Variants in RPGRIP1L observed in about 807,000 individuals in gnomAD.
RPGRIP1L encodes the protein protein fantom.
RPGRIP1L carries 131 observed loss-of-function variants against 160.4 expected under a neutral mutation model. The observed-to-expected ratio is 0.82, with a 90% CI of 0.71 to 0.94. The LOEUF (loss-of-function observed/expected upper bound fraction) is 0.94, where lower values mean the gene tolerates loss of function less well. RPGRIP1L is among the 40% of genes least tolerant of loss of function. The pLI, the probability that RPGRIP1L is intolerant of heterozygous loss-of-function variation, is 0.00. For missense variants in RPGRIP1L, 1,522 were observed against 1,535.8 expected, an observed-to-expected ratio of 0.99 and a Z score of 0.15; for synonymous variants, 510 against 515.8, an observed-to-expected ratio of 0.99 and a Z score of 0.15.
intron 2 of RPGRIP1L, among the ~76,000 whole-genome samples, chr16:53,699,860 T>G (rs2151411678): frequency 6.6e-6 from 1 of 152,286 alleles, no homozygotes; most frequent in African/African-American, 2.4e-5. Context: ...AGCCAAATTT[T>G]ATCTTTTTCA....
chr16:53,622,584 A>G (rs946663015), intron 22 of RPGRIP1L, among the ~76,000 whole-genome samples: 3 of 151,590 alleles, frequency 2.0e-5, no homozygotes, highest in Non-Finnish European at 2.9e-5. Context: ...CACACCCACT[A>G]TATCCTAAAG....
At chr16:53,606,172 A>G (rs1013219870) in intron 25 of RPGRIP1L, among the ~76,000 whole-genome samples, 2 of 152,232 alleles carry the variant, frequency 1.3e-5, no homozygotes, top group Non-Finnish European at 2.9e-5. Flanking sequence ...AAATGTTTGT[A>G]TTACTTGAGC....
At chr16:53,613,725 C>T (rs1427548289) in intron 24 of RPGRIP1L, among the ~76,000 whole-genome samples, 3 of 152,138 alleles carry the variant, frequency 2.0e-5, no homozygotes, top group Non-Finnish European at 4.4e-5. Context: ...GGCCAACATG[C>T]TATATTTCCT....
At chr16:53,625,306 T>C (rs1311470960) in intron 22 of RPGRIP1L, among the ~76,000 whole-genome samples, 1 of 150,096 alleles carries the variant, frequency 6.7e-6, no homozygotes, top group Non-Finnish European at 1.5e-5. Context: ...GCCCATCGTC[T>C]GGGATGTGGG....
At chr16:53,644,523 C>T (rs1415923365) in intron 17 of RPGRIP1L, among the ~76,000 whole-genome samples, 2 of 152,256 alleles carry the variant, frequency 1.3e-5, no homozygotes, top group Non-Finnish European at 2.9e-5. Flanking sequence ...AAAGGATCCA[C>T]ATTTAGACAC....
chr16:53,651,961 A>G (rs1033539893), intron 15 of RPGRIP1L, among the ~76,000 whole-genome samples: 2 of 151,950 alleles, frequency 1.3e-5, no homozygotes, highest in African/African-American at 2.4e-5. Flanking sequence ...CAATACATAA[A>G]TTAATTTATT....
chr16:53,621,217 C>G (rs937253799), intron 23 of RPGRIP1L, among the ~76,000 whole-genome samples: 1 of 151,944 alleles, frequency 6.6e-6, no homozygotes, highest in Non-Finnish European at 1.5e-5. Context: ...ATTGTAAGAA[C>G]CAATTTAGAC....
intron 21 of RPGRIP1L, 137 bp downstream of exon 21, chr16:53,637,558 T>C: frequency 1.3e-6 from 1 of 758,828 alleles, no homozygotes; most frequent in Non-Finnish European, 2.2e-6. Context: ...GGAACTATAT[T>C]CTATCATTTC....
chr16:53,681,217 T>C (rs528238904), intron 6 of RPGRIP1L, among the ~76,000 whole-genome samples: 1 of 152,210 alleles, frequency 6.6e-6, no homozygotes, highest in Non-Finnish European at 1.5e-5. Flanking sequence ...GAGATACTTA[T>C]GGGTTAAATT....
intron 10 of RPGRIP1L, among the ~76,000 whole-genome samples, chr16:53,661,181 C>T (rs1248504154): frequency 6.6e-6 from 1 of 151,340 alleles, no homozygotes; most frequent in Non-Finnish European, 1.5e-5. Context: ...GTAGTCCCAG[C>T]TACTCAGGAG....
chr16:53,656,386 G>A (rs1967257436), intron 14 of RPGRIP1L, 86 bp downstream of exon 14: 1 of 915,542 alleles, frequency 1.1e-6, no homozygotes, highest in Non-Finnish European at 1.8e-6. Context: ...AAAATACACT[G>A]TAAGTGCAGA....
intron 24 of RPGRIP1L, 71 bp downstream of exon 24, chr16:53,618,954 G>A (rs1964544680): frequency 7.9e-7 from 1 of 1,259,756 alleles, no homozygotes; most frequent in Non-Finnish European, 1.2e-6. Flanking sequence ...CTTTCTCTCT[G>A]TTCTTTCCAC....
chr16:53,622,987 G>A (rs1964839436), intron 22 of RPGRIP1L, among the ~76,000 whole-genome samples: 1 of 152,034 alleles, frequency 6.6e-6, no homozygotes, highest in Non-Finnish European at 1.5e-5. Flanking sequence ...TAGCCTGGGT[G>A]ACAGGGTGAG....
At chr16:53,612,356 T>C (rs1964100809) in intron 24 of RPGRIP1L, among the ~76,000 whole-genome samples, 1 of 152,134 alleles carries the variant, frequency 6.6e-6, no homozygotes, top group African/African-American at 2.4e-5. Context: ...TCAATACAGA[T>C]TCAAAGGTTC....
At chr16:53,650,917 C>T (rs997203427) in intron 15 of RPGRIP1L, among the ~76,000 whole-genome samples, 1 of 152,076 alleles carries the variant, frequency 6.6e-6, no homozygotes, top group African/African-American at 2.4e-5. Context: ...CCTTGGCTAC[C>T]TTCTTTCCTT....
At chr16:53,625,104 T>C (rs935742825) in intron 22 of RPGRIP1L, among the ~76,000 whole-genome samples, 6 of 152,092 alleles carry the variant, frequency 3.9e-5, no homozygotes, top group Non-Finnish European at 7.4e-5. Context: ...GGCGTGATCT[T>C]GGCTCGCTAC....
chr16:53,651,456 A>G (rs950325049), intron 15 of RPGRIP1L, among the ~76,000 whole-genome samples: 1 of 152,076 alleles, frequency 6.6e-6, no homozygotes, highest in Admixed American at 6.6e-5. Flanking sequence ...AGAAAATCCA[A>G]ACTCCTCACT....
chr16:53,685,598 G>A (rs1053286341), intron 6 of RPGRIP1L, among the ~76,000 whole-genome samples: 2 of 151,996 alleles, frequency 1.3e-5, no homozygotes, highest in African/African-American at 2.4e-5. Flanking sequence ...ACAAACTAAT[G>A]CAGAAACAGA....
At chr16:53,697,469 C>T (rs1228178884) in intron 2 of RPGRIP1L, among the ~76,000 whole-genome samples, 2 of 152,170 alleles carry the variant, frequency 1.3e-5, no homozygotes, top group Non-Finnish European at 2.9e-5. Context: ...CTGCCTGATT[C>T]TCCTGCCTCA....
Sources: allele counts gnomAD v4.1 joint callset (sites outside exome capture counted in the v4.1 genomes callset), GRCh38; gene constraint gnomAD v4.1.1; transcripts MANE v1.5; gene names NCBI Gene and HGNC (gene_info 2026-07-23, HGNC 2026-07-21).